SAMD5: variants seen among roughly 807,000 people sequenced by gnomAD.
SAMD5 encodes sterile alpha motif domain-containing protein 5.
A neutral mutation model predicts 11.3 loss-of-function variants in SAMD5; 13 were observed. The observed-to-expected ratio is 1.15, with a 90% CI of 0.75 to 1.83. The LOEUF is 1.83. Among genes scored for constraint, SAMD5 ranks in the 40% most tolerant of loss-of-function variants. The pLI is 0.00. For missense variants in SAMD5, 255 were observed against 239.1 expected (o/e 1.07, Z -0.44); for synonymous variants, 129 against 111.3 (o/e 1.16, Z -1.00).
At chr6:147,792,004 A>T in the SAMD5 span, among the ~76,000 whole-genome samples, 11 of 152,316 alleles carry the variant, frequency 7.2e-5, no homozygotes, top group African/African-American at 2.6e-4. Flanking sequence ...ACTGTATATG[A>T]CATGCATTTG....
At chr6:147,630,652 C>T (rs844620) in intron 1 of SAMD5, among the ~76,000 whole-genome samples, 113,884 of 151,194 alleles carry the variant, frequency 0.75, 43,568 homozygotes, top group African/African-American at 0.9. Context: ...CTTTGCTGAC[C>T]CTCTTTTCTG....
At chr6:147,869,038 A>G in the SAMD5 span, among the ~76,000 whole-genome samples, 1 of 152,212 alleles carries the variant, frequency 6.6e-6, no homozygotes, top group Non-Finnish European at 1.5e-5. Context: ...ATGGCTTTGC[A>G]CTGGGTAGCA....
intron 1 of SAMD5, among the ~76,000 whole-genome samples, chr6:147,712,205 C>T (rs1791410124): frequency 6.6e-6 from 1 of 152,142 alleles, no homozygotes; most frequent in Non-Finnish European, 1.5e-5. Flanking sequence ...TTCAGCCAAG[C>T]AACTCAATTA....
At chr6:147,858,961 T>C in the SAMD5 span, among the ~76,000 whole-genome samples, 2 of 152,102 alleles carry the variant, frequency 1.3e-5, no homozygotes, top group Non-Finnish European at 2.9e-5. Context: ...ATAAGTACAA[T>C]ATTAGTATGT....
chr6:147,947,459 T>C, the SAMD5 span: 2 of 151,850 alleles, frequency 1.3e-5, no homozygotes, highest in Non-Finnish European at 1.5e-5. Flanking sequence ...GTATTACTTT[T>C]TTCTTTCCCT....
the SAMD5 span, among the ~76,000 whole-genome samples, chr6:147,802,813 T>C: frequency 6.6e-6 from 1 of 152,212 alleles, no homozygotes; most frequent in Non-Finnish European, 1.5e-5. Flanking sequence ...TAAGACTCCA[T>C]TGATACAAAG....
chr6:147,878,400 C>T, the SAMD5 span, among the ~76,000 whole-genome samples: 5 of 151,766 alleles, frequency 3.3e-5, no homozygotes, highest in South Asian at 2.1e-4. Flanking sequence ...ACTATCATGG[C>T]CTAATCACCT....
chr6:147,727,637 A>G (rs1274111763), intron 1 of SAMD5, among the ~76,000 whole-genome samples: 2 of 151,466 alleles, frequency 1.3e-5, no homozygotes, highest in Non-Finnish European at 2.9e-5. Context: ...ATTTTCAACA[A>G]CAGGCCACTA....
intron 1 of SAMD5, among the ~76,000 whole-genome samples, chr6:147,520,683 A>AT (rs1374659668): frequency 4.6e-5 from 7 of 152,076 alleles, no homozygotes; most frequent in Non-Finnish European, 7.4e-5. Flanking sequence ...GAGTCAGGCT[A>AT]TTTTTTTGTC....
chr6:147,951,829 T>C, the SAMD5 span, among the ~76,000 whole-genome samples: 1 of 152,164 alleles, frequency 6.6e-6, no homozygotes, highest in African/African-American at 2.4e-5. Flanking sequence ...AATAAATGTA[T>C]TTGGGATTGC....
the SAMD5 span, among the ~76,000 whole-genome samples, chr6:147,900,249 G>A: frequency 6.6e-6 from 1 of 152,138 alleles, no homozygotes; most frequent in African/African-American, 2.4e-5. Context: ...GCTGTGACAC[G>A]TCGCTTCCAT....
the SAMD5 span, chr6:147,953,600 A>G: frequency 6.6e-6 from 1 of 152,158 alleles, no homozygotes; most frequent in African/African-American, 2.4e-5. Context: ...CCTATTTTTG[A>G]TTATGTTAAA....
At chr6:147,925,339 G>A in the SAMD5 span, among the ~76,000 whole-genome samples, 34,521 of 152,020 alleles carry the variant, frequency 0.23, 4,456 homozygotes, top group African/African-American at 0.34. Context: ...CCTTGATCTT[G>A]GACTTCTAGC....
At chr6:147,836,587 ATACTG>A in the SAMD5 span, among the ~76,000 whole-genome samples, 3 of 152,230 alleles carry the variant, frequency 2.0e-5, no homozygotes, top group Non-Finnish European at 4.4e-5. Context: ...AATTGATTGA[ATACTG>A]TACTGAAAGT....
chr6:147,558,043 G>A (rs556665932), intron 1 of SAMD5, among the ~76,000 whole-genome samples: 9 of 152,302 alleles, frequency 5.9e-5, no homozygotes, highest in East Asian at 3.9e-4. Flanking sequence ...ATTAGCAGCC[G>A]TTTGCTGCTG....
chr6:147,763,152 G>T, the SAMD5 span, among the ~76,000 whole-genome samples: 1 of 151,670 alleles, frequency 6.6e-6, no homozygotes, highest in Non-Finnish European at 1.5e-5. Context: ...TTTCATTGTG[G>T]TTTTTTGTTT....
At chr6:147,915,290 C>A in the SAMD5 span, among the ~76,000 whole-genome samples, 3 of 152,152 alleles carry the variant, frequency 2.0e-5, no homozygotes, top group African/African-American at 7.2e-5. Context: ...CATAATGATA[C>A]ATAATTTCTG....
At chr6:147,636,790 C>T (rs926422472) in intron 1 of SAMD5, among the ~76,000 whole-genome samples, 1 of 152,220 alleles carries the variant, frequency 6.6e-6, no homozygotes, top group African/African-American at 2.4e-5. Context: ...TCAGTTTGAT[C>T]TAAACCCTTG....
chr6:147,627,951 A>T (rs1167171804), intron 1 of SAMD5, among the ~76,000 whole-genome samples: 1 of 152,258 alleles, frequency 6.6e-6, no homozygotes, highest in East Asian at 1.9e-4. Context: ...GAAAGGGTTA[A>T]TAATAAAGGC....
Sources: allele counts gnomAD v4.1 joint callset (sites outside exome capture counted in the v4.1 genomes callset), GRCh38; gene constraint gnomAD v4.1.1; transcripts MANE v1.5; gene names NCBI Gene and HGNC (gene_info 2026-07-23, HGNC 2026-07-21).